Variants in MAD1L1 observed in about 807,000 individuals in gnomAD.
MAD1L1 encodes mitotic arrest deficient 1 like 1.
In MAD1L1, 95 loss-of-function variants were observed where a neutral mutation model predicts 96.9. The observed-to-expected ratio is 0.98, with a 90% CI of 0.83 to 1.16. MAD1L1 has a LOEUF of 1.16. MAD1L1 is among the 50% of genes most tolerant of loss of function. The probability of loss-of-function intolerance (pLI) is 0.00; values close to 1 mark genes in which losing one functional copy is unlikely to be tolerated. For missense variants in MAD1L1, 1,007 were observed against 954.4 expected, an observed-to-expected ratio of 1.06 and a Z score of -0.73; for synonymous variants, 473 against 396.6, an observed-to-expected ratio of 1.19 and a Z score of -2.29.
intron 16 of MAD1L1, among the ~76,000 whole-genome samples, chr7:1,952,832 G>A (rs920223418): frequency 4.6e-5 from 7 of 152,354 alleles, no homozygotes; most frequent in Non-Finnish European, 8.8e-5. Context: ...AGAAAGAGCC[G>A]AACACAGAAT....
rs951788220 is a variant in MAD1L1, at chr7:2,142,641, T to C, written c.1073+6511A>G. Among the ~76,000 whole-genome samples the C allele has an allele frequency of 6.6e-6, 1 of 152,192 alleles. No homozygotes were observed. The highest frequency in any genetic ancestry group is 2.4e-5 in the African/African-American group (1 of 41,442). On this transcript the variant is annotated intron_variant, in intron 11 of 18. Transcript: ENST00000265854. This position sits in a 1 kb window ranked among gnomAD's most constrained non-coding sequence, Gnocchi z 4.7. ...TGGCAGGCTGCCACCGTGGAATACA[T>C]GGAGACAGCCCATTAGACTCAGGCT...
Position 2,114,469 on chromosome 7 carries a change from A to G in MAD1L1, c.1073+34683T>C, listed in dbSNP as rs529077221. On this transcript the variant is annotated intron_variant, in intron 11 of 18. Coordinates refer to ENST00000265854, the MANE Select transcript of MAD1L1 (RefSeq NM_001013836.2). The surrounding 1 kb of genome is among the most constrained non-coding windows in gnomAD (Gnocchi z 4.2). ...CTAGGGCATCTTTCCTGAAAGAGAC[A>G]ATTGCGAGAAATGAAAGCCTGGCTG... Among the ~76,000 whole-genome samples, 1 of 152,328 alleles carries G rather than the reference A, an allele frequency of 6.6e-6. No homozygotes were observed. Among genetic ancestry groups the G allele is most frequent in the African/African-American group, 2.4e-5 (1 of 41,570 alleles).
rs114420766 is a variant in MAD1L1 at position 2,132,465 on chromosome 7, C to T, written c.1073+16687G>A. ...ACCATCACGGCCGCGTGCAGTCGGT[C>T]CACTGCTGCGTGCGACTGCGTGTCC... On this transcript the variant is annotated intron_variant, in intron 11 of 18. Coordinates refer to ENST00000265854, the MANE Select transcript of MAD1L1 (RefSeq NM_001013836.2). Among the ~76,000 whole-genome samples, 897 of 109,170 alleles carry T rather than the reference C, an allele frequency of 8.2e-3. 11 individuals are homozygous for T. Among genetic ancestry groups the T allele is most frequent in the African/African-American group, 0.025 (847 of 34,032 alleles). 71.6% of individuals were successfully genotyped at this position (109,170 alleles called of 152,430 possible).
chr7:2,081,168 G>A (rs1785624498), intron 11 of MAD1L1, among the ~76,000 whole-genome samples: 1 of 150,824 alleles, frequency 6.6e-6, no homozygotes, highest in Non-Finnish European at 1.5e-5. Context: ...AGGGTGTTTG[G>A]AAACAGATAT....
At chr7:2,171,298 C>G (rs1790692954) in intron 10 of MAD1L1, among the ~76,000 whole-genome samples, 1 of 152,254 alleles carries the variant, frequency 6.6e-6, no homozygotes, top group South Asian at 2.1e-4. Context: ...AAGGAGGCAG[C>G]AGGCCTCAAC....
At position 1,896,943 on chromosome 7, in the gene MAD1L1, G is replaced by A. The variant is rs1337253011; in HGVS notation, c.1998+1257C>T. ...CTCTGTGAATTATTCAAAGTATACA[G>A]AATTATACAAAAGCGAAGAAGTACA... On this transcript the variant is annotated intron_variant, in intron 18 of 18. Transcript: ENST00000265854. 3.9e-5 allele frequency among the ~76,000 whole-genome samples: 6 copies of A among 152,374 alleles called. 1 individual carries two copies. The East Asian group carries it at 9.6e-4, about 24-fold the overall frequency.
intron 10 of MAD1L1, among the ~76,000 whole-genome samples, chr7:2,197,657 A>ATCCC (rs1343214853): frequency 6.6e-6 from 1 of 151,970 alleles, no homozygotes; most frequent in Non-Finnish European, 1.5e-5. Context: ...AAACGCCAAA[A>ATCCC]TCCCTCCAGA....
At chr7:2,225,041 C>T (rs1448257021) in intron 4 of MAD1L1, among the ~76,000 whole-genome samples, 1 of 152,186 alleles carries the variant, frequency 6.6e-6, no homozygotes. Flanking sequence ...GTGCCAGCAC[C>T]GCAGCCTCAA....
chr7:1,893,697 A>T (rs1006650532), intron 18 of MAD1L1, among the ~76,000 whole-genome samples: 8 of 152,286 alleles, frequency 5.3e-5, no homozygotes, highest in Admixed American at 1.3e-4. Context: ...CCAGGAGGCC[A>T]GGGTCAGGGC....
At chr7:1,846,905 T>C in intron 18 of MAD1L1, 1 of 290,078 alleles carries the variant, frequency 3.4e-6, no homozygotes, top group Non-Finnish European at 6.7e-6. Flanking sequence ...GTTTGCTCTC[T>C]GCCAGCTCGT....
chr7:2,163,168 TAAGG>T (rs1298727935), intron 10 of MAD1L1, among the ~76,000 whole-genome samples: 2 of 152,116 alleles, frequency 1.3e-5, no homozygotes, highest in African/African-American at 4.8e-5. Context: ...ACCGGCACAT[TAAGG>T]ATGGGCGGCC....
In MAD1L1 at chr7:2,161,348, C is replaced by A. The variant is rs540214438; in HGVS notation, c.987-12110G>T. ...GTCTCAGCTCCTGACCGCGAGTGATCTGCCAGCCTCGGCCTCCCGCGGTGC... is the reference window on the plus strand; with the variant it reads ...GTCTCAGCTCCTGACCGCGAGTGATATGCCAGCCTCGGCCTCCCGCGGTGC... On this transcript the variant is annotated intron_variant, in intron 10 of 18. Transcript: ENST00000265854. Among the ~76,000 whole-genome samples the A allele has an allele frequency of 2.0e-5, 3 of 152,112 alleles. No individual in the cohort carries two copies. In the East Asian group the frequency reaches 5.8e-4, roughly 30 times the overall value.
intron 18 of MAD1L1, among the ~76,000 whole-genome samples, chr7:1,879,327 C>T (rs775788915): frequency 7.2e-5 from 11 of 151,878 alleles, no homozygotes; most frequent in Admixed American, 2.6e-4. Flanking sequence ...TGGTGGCAGG[C>T]GCCTGTAATC....
chr7:2,090,495 C>G lies in MAD1L1; in HGVS notation c.1074-21157G>C, dbSNP rs545278439. Among the ~76,000 whole-genome samples, 240 of 152,350 alleles carry G rather than the reference C, an allele frequency of 1.6e-3. 1 individual carries two copies. Among genetic ancestry groups the G allele is most frequent in the Middle Eastern group, 3.4e-3 (1 of 294 alleles). ...CAGTGCAAGCACTGGAACGGTGTCA[C>G]GAACGGACCTGGGACTCTGCCTGGA... On this transcript the variant is annotated intron_variant, in intron 11 of 18. Transcript: ENST00000265854.
chr7:2,209,416 C>T (rs1792777200), intron 10 of MAD1L1, among the ~76,000 whole-genome samples: 1 of 152,224 alleles, frequency 6.6e-6, no homozygotes, highest in African/African-American at 2.4e-5. Flanking sequence ...CAGGAGCTCA[C>T]AGCCCAGAGC....
At chr7:1,952,778 C>T (rs1421527366) in intron 16 of MAD1L1, among the ~76,000 whole-genome samples, 3 of 152,210 alleles carry the variant, frequency 2.0e-5, no homozygotes, top group Non-Finnish European at 4.4e-5. Flanking sequence ...CCCATCGTCC[C>T]GGTCCAGAGG....
At chr7:1,847,363 G>A (rs754372264) in intron 18 of MAD1L1, 20 of 471,068 alleles carry the variant, frequency 4.2e-5, no homozygotes, top group African/African-American at 2.0e-4. Context: ...ACCACGGGGC[G>A]GACCAGGGTG....
At chr7:1,927,736 G>A (rs893735092) in intron 17 of MAD1L1, among the ~76,000 whole-genome samples, 1 of 152,080 alleles carries the variant, frequency 6.6e-6, no homozygotes, top group African/African-American at 2.4e-5. Flanking sequence ...CCTTTTAGTA[G>A]AAAACAAGAA....
rs1793665689 is a variant in MAD1L1, at chr7:2,222,571, T to C, written c.471+4A>G. The stretch of plus-strand genomic sequence containing the variant: ...GCTCCCTGCGCAGCAGAGGCCCCGC[T>C]CACCTCGCCAGCCTGGGCCAGACTG... On this transcript the variant is annotated splice_donor_region_variant and intron_variant, in intron 5 of 18. Transcript: ENST00000265854. 1 of 1,590,272 alleles carries C rather than the reference T, an allele frequency of 6.3e-7. No homozygotes were observed. The highest frequency in any genetic ancestry group is 1.1e-5 in the South Asian group (1 of 88,726).
Sources: allele counts gnomAD v4.1 joint callset (sites outside exome capture counted in the v4.1 genomes callset), GRCh38; gene constraint gnomAD v4.1.1; non-coding constraint Gnocchi (gnomAD v3.1); transcripts MANE v1.5; gene names NCBI Gene and HGNC (gene_info 2026-07-23, HGNC 2026-07-21).